MAP2K4: variants seen among roughly 807,000 people sequenced by gnomAD.
The protein encoded by MAP2K4 is dual specificity mitogen-activated protein kinase kinase 4.
Under a neutral mutation model 48.5 loss-of-function variants are expected in MAP2K4, and 4 were observed. The ratio of observed to expected loss-of-function variants is 0.08; its 90% confidence interval spans 0.04 to 0.19. MAP2K4 has a LOEUF of 0.19. Ranked by LOEUF, MAP2K4 falls within the 10% of genes least tolerant of loss-of-function variation. MAP2K4 has a pLI of 1.00. For synonymous variants in MAP2K4, 166 were observed against 173.1 expected, an observed-to-expected ratio of 0.96 and a Z score of 0.32; for missense variants, 258 against 493.3, an observed-to-expected ratio of 0.52 and a Z score of 4.52.
intron 3 of MAP2K4, among the ~76,000 whole-genome samples, chr17:12,090,665 C>T (rs1971532867): frequency 6.6e-6 from 1 of 152,068 alleles, no homozygotes; most frequent in South Asian, 2.1e-4. Context: ...CTGTCTCTTC[C>T]CACCCATGAA....
In MAP2K4 at chr17:12,051,493, T is replaced by C. The variant is rs1274589622; in HGVS notation, c.116-3396T>C. 2.0e-5 allele frequency among the ~76,000 whole-genome samples: 3 copies of C among 152,344 alleles called. No individual in the cohort carries two copies. The East Asian group carries it at 5.8e-4, about 29-fold the overall frequency. ...TAGGATGTTTGATGCCTCGTTTCTC[T>C]CCTGCTATAGTTAAAGGGACAATGT... On this transcript the variant is annotated intron_variant, in intron 1 of 10. Transcript: ENST00000353533.
At chr17:12,061,421 A>C (rs1011934110) in intron 2 of MAP2K4, among the ~76,000 whole-genome samples, 1 of 152,222 alleles carries the variant, frequency 6.6e-6, no homozygotes. Flanking sequence ...AATTCACTGG[A>C]GAAGTGATTC....
chr17:12,127,478 G>A (rs747929454), intron 8 of MAP2K4, among the ~76,000 whole-genome samples: 5 of 152,124 alleles, frequency 3.3e-5, no homozygotes, highest in African/African-American at 4.8e-5. Flanking sequence ...TTTTGTGAAA[G>A]GTTTTAACAG....
At chr17:12,073,383 G>A (rs1190483835) in intron 2 of MAP2K4, among the ~76,000 whole-genome samples, 1 of 152,128 alleles carries the variant, frequency 6.6e-6, no homozygotes, top group African/African-American at 2.4e-5. Flanking sequence ...TATAGACTTA[G>A]GATTGTATTT....
In MAP2K4 at chr17:12,028,725, G is replaced by C. The variant is rs9911785; in HGVS notation, c.115+7724G>C. 2.0e-3 allele frequency among the ~76,000 whole-genome samples: 301 copies of C among 152,268 alleles called. 2 individuals are homozygous for C. The highest frequency in any genetic ancestry group is 6.7e-3 in the African/African-American group (278 of 41,550). On this transcript the variant is annotated intron_variant, in intron 1 of 10. Transcript: ENST00000353533. ...TGTAGTTCATAATGCACTTTCAGCA[G>C]TGCAAAAATCCAGAATGTCCAGGGA...
At chr17:12,139,817 T>A in intron 9 of MAP2K4, 22 bp from the exon 10 acceptor site, 1 of 1,523,130 alleles carries the variant, frequency 6.6e-7, no homozygotes, top group Non-Finnish European at 9.0e-7. Flanking sequence ...ATTTTAATAA[T>A]GTTATTTTTA....
chr17:12,127,216 A>T (rs1473863389), intron 8 of MAP2K4, among the ~76,000 whole-genome samples: 1 of 152,214 alleles, frequency 6.6e-6, no homozygotes, highest in Non-Finnish European at 1.5e-5. Context: ...AAATATAGGA[A>T]ATACCTTCTG....
intron 9 of MAP2K4, among the ~76,000 whole-genome samples, chr17:12,135,177 C>A (rs1973166454): frequency 6.6e-6 from 1 of 152,184 alleles, no homozygotes; most frequent in Non-Finnish European, 1.5e-5. Flanking sequence ...CAGCCTCAAC[C>A]TCCCGGTTTC....
At chr17:12,115,959 C>CT (rs966278044) in intron 7 of MAP2K4, 1 of 436,128 alleles carries the variant, frequency 2.3e-6, no homozygotes, top group Non-Finnish European at 4.3e-6. Flanking sequence ...TGAGTGAACT[C>CT]TTTTCTCGTT....
rs920140357 is a variant in MAP2K4, at chr17:12,132,610, GA to G, written c.1040+3335del. The stretch of plus-strand genomic sequence containing the variant: ...TGCTTCGATTAAAAGTTTTCCTAAG[GA>G]AAAAAAAAAAAGGATAAGACTTAAT... On this transcript the variant is annotated intron_variant, in intron 9 of 10. Coordinates refer to ENST00000353533, the MANE Select transcript of MAP2K4 (RefSeq NM_003010.4). 2.9e-3 allele frequency among the ~76,000 whole-genome samples: 399 copies of G among 138,496 alleles called. 1 individual carries two copies. Among genetic ancestry groups the G allele is most frequent in the African/African-American group, 7.8e-3 (298 of 38,288 alleles). 90.9% of individuals were successfully genotyped at this position (138,496 alleles called of 152,430 possible). A position where few individuals can be genotyped will look rare whatever the true frequency, so the allele number is the denominator to read the frequency against.
intron 1 of MAP2K4, among the ~76,000 whole-genome samples, chr17:12,042,026 C>A (rs1223314855): frequency 6.6e-6 from 1 of 151,862 alleles, no homozygotes; most frequent in African/African-American, 2.4e-5. Context: ...ATTAAAAATA[C>A]AAAAATTAGC....
chr17:12,095,428 A>C (rs1971703652), intron 3 of MAP2K4, 147 bp from the exon 4 acceptor site: 1 of 820,326 alleles, frequency 1.2e-6, no homozygotes, highest in African/African-American at 1.7e-5. Context: ...AAGTATAAGG[A>C]AAGATGATAA....
intron 1 of MAP2K4, among the ~76,000 whole-genome samples, chr17:12,029,347 A>C (rs764471726): frequency 9.2e-5 from 14 of 152,182 alleles, no homozygotes; most frequent in Non-Finnish European, 1.8e-4. Context: ...TTCTTAAATA[A>C]ATATTATTCT....
intron 2 of MAP2K4, among the ~76,000 whole-genome samples, chr17:12,065,882 C>A (rs1221531716): frequency 6.6e-6 from 1 of 152,164 alleles, no homozygotes; most frequent in African/African-American, 2.4e-5. Flanking sequence ...ATGAATTCAG[C>A]TTTTATGCCT....
At chr17:12,099,977 C>T (rs919301614) in intron 4 of MAP2K4, among the ~76,000 whole-genome samples, 3 of 152,158 alleles carry the variant, frequency 2.0e-5, no homozygotes, top group African/African-American at 7.2e-5. Flanking sequence ...CTGGCTGAAG[C>T]AAGTTACCTC....
chr17:12,026,173 T>G (rs963898577), intron 1 of MAP2K4, among the ~76,000 whole-genome samples: 1 of 152,230 alleles, frequency 6.6e-6, no homozygotes, highest in Non-Finnish European at 1.5e-5. Flanking sequence ...TCTCACATTT[T>G]CCTTTAAAAT....
intron 1 of MAP2K4, among the ~76,000 whole-genome samples, chr17:12,029,039 A>C (rs1969346535): frequency 6.6e-6 from 1 of 152,170 alleles, no homozygotes; most frequent in Non-Finnish European, 1.5e-5. Flanking sequence ...ACTTTATCGA[A>C]CACCATTTGC....
chr17:12,090,604 C>A (rs1339143209), intron 3 of MAP2K4, among the ~76,000 whole-genome samples: 7 of 152,124 alleles, frequency 4.6e-5, no homozygotes, highest in Admixed American at 4.6e-4. Context: ...TAACCTTACC[C>A]CTTAATAGCA....
At chr17:12,041,007 A>G (rs192362486) in intron 1 of MAP2K4, among the ~76,000 whole-genome samples, 1 of 152,376 alleles carries the variant, frequency 6.6e-6, no homozygotes, top group Admixed American at 6.5e-5. Flanking sequence ...AACAAATTAG[A>G]AACATTTCAG....
Sources: allele counts gnomAD v4.1 joint callset (sites outside exome capture counted in the v4.1 genomes callset), GRCh38; gene constraint gnomAD v4.1.1; transcripts MANE v1.5; gene names NCBI Gene and HGNC (gene_info 2026-07-23, HGNC 2026-07-21).